Variants in RPS6KA5 observed in about 807,000 individuals in gnomAD.
RPS6KA5 encodes ribosomal protein S6 kinase alpha-5.
A neutral mutation model predicts 85.5 loss-of-function variants in RPS6KA5; 27 were observed. That is an observed-to-expected ratio of 0.32 (90% CI 0.23 to 0.44). The LOEUF (loss-of-function observed/expected upper bound fraction) is 0.44, where lower values mean the gene tolerates loss of function less well. RPS6KA5 is among the 20% of genes least tolerant of loss of function. RPS6KA5 has a pLI of 1.00. For synonymous variants in RPS6KA5, 334 were observed against 348.2 expected, an observed-to-expected ratio of 0.96 and a Z score of 0.46; for missense variants, 811 against 980.9, an observed-to-expected ratio of 0.83 and a Z score of 2.31.
intron 1 of RPS6KA5, among the ~76,000 whole-genome samples, chr14:91,050,322 G>A (rs770954796): frequency 8.6e-5 from 13 of 152,016 alleles, no homozygotes; most frequent in Admixed American, 2.0e-4. Flanking sequence ...TTGAAGCTGC[G>A]GTGAACTATT....
At chr14:91,001,868 G>C (rs1291801545) in intron 1 of RPS6KA5, among the ~76,000 whole-genome samples, 1 of 152,150 alleles carries the variant, frequency 6.6e-6, no homozygotes, top group Non-Finnish European at 1.5e-5. Flanking sequence ...CTGTTAGGGG[G>C]AGATGTGGGG....
At chr14:91,033,097 G>T (rs2042254192) in intron 1 of RPS6KA5, among the ~76,000 whole-genome samples, 1 of 151,420 alleles carries the variant, frequency 6.6e-6, no homozygotes, top group African/African-American at 2.4e-5. Context: ...TGAGGCAGGA[G>T]AATGGCATGA....
intron 16 of RPS6KA5, 68 bp downstream of exon 16, chr14:90,873,564 C>T (rs2033258584): frequency 3.0e-6 from 4 of 1,352,324 alleles, no homozygotes; most frequent in Non-Finnish European, 4.1e-6. Context: ...TCTGAGGCTA[C>T]AGAGTAAGAA....
intron 1 of RPS6KA5, among the ~76,000 whole-genome samples, chr14:91,020,652 T>C (rs867925200): frequency 1.6e-5 from 1 of 63,542 alleles, no homozygotes; most frequent in African/African-American, 5.1e-5. Context: ...GTGTGTGTGT[T>C]TATATGTGTA....
chr14:91,024,166 T>C (rs746839351), intron 1 of RPS6KA5, among the ~76,000 whole-genome samples: 9 of 152,192 alleles, frequency 5.9e-5, no homozygotes, highest in Non-Finnish European at 1.2e-4. Flanking sequence ...CTTGGAGAAC[T>C]TGTAAATATA....
chr14:91,050,274 G>C (rs561204202), intron 1 of RPS6KA5, among the ~76,000 whole-genome samples: 1 of 152,280 alleles, frequency 6.6e-6, no homozygotes, highest in African/African-American at 2.4e-5. Context: ...CTAGCTACTT[G>C]GGAGGCTGAG....
intron 13 of RPS6KA5, chr14:90,894,172 G>T: frequency 8.7e-7 from 1 of 1,145,858 alleles, no homozygotes; most frequent in Non-Finnish European, 1.1e-6. Flanking sequence ...TCCATAAAAG[G>T]TTCTCACACT....
chr14:90,907,423 G>A (rs74393377), intron 7 of RPS6KA5, among the ~76,000 whole-genome samples: 123 of 152,208 alleles, frequency 8.1e-4, no homozygotes, highest in African/African-American at 2.8e-3. Flanking sequence ...CCTAAAATAG[G>A]TATTATGATG....
intron 14 of RPS6KA5, among the ~76,000 whole-genome samples, chr14:90,884,741 T>A (rs2034076318): frequency 6.6e-6 from 1 of 152,226 alleles, no homozygotes; most frequent in Admixed American, 6.5e-5. Context: ...CATTGGGTTG[T>A]TTCCAGTGTG....
intron 6 of RPS6KA5, among the ~76,000 whole-genome samples, chr14:90,922,551 C>T (rs2036450929): frequency 1.3e-5 from 2 of 152,208 alleles, no homozygotes; most frequent in Admixed American, 1.3e-4. Context: ...CGGGTTCAAA[C>T]ATTCTCCTTC....
chr14:90,910,800 C>A (rs1367104021), intron 7 of RPS6KA5, among the ~76,000 whole-genome samples: 1 of 152,020 alleles, frequency 6.6e-6, no homozygotes, highest in East Asian at 1.9e-4. Flanking sequence ...ATCCTCCTGC[C>A]TCAGCCTCCT....
intron 5 of RPS6KA5, among the ~76,000 whole-genome samples, chr14:90,927,341 TAA>T (rs2036727889): frequency 6.6e-6 from 1 of 151,844 alleles, no homozygotes; most frequent in African/African-American, 2.4e-5. Context: ...CAAAGCAAGA[TAA>T]GAGAAATAAA....
At chr14:90,893,348 T>C (rs2034663044) in intron 13 of RPS6KA5, among the ~76,000 whole-genome samples, 1 of 152,198 alleles carries the variant, frequency 6.6e-6, no homozygotes, top group African/African-American at 2.4e-5. Flanking sequence ...TTTGATTAAT[T>C]ACTAGTACTG....
chr14:90,987,449 G>A (rs1259995870), intron 2 of RPS6KA5, among the ~76,000 whole-genome samples: 1 of 151,932 alleles, frequency 6.6e-6, no homozygotes, highest in African/African-American at 2.4e-5. Context: ...AAACAAGTAT[G>A]TCTCATTTAA....
intron 16 of RPS6KA5, among the ~76,000 whole-genome samples, chr14:90,872,922 A>C (rs958267827): frequency 6.6e-6 from 1 of 152,206 alleles, no homozygotes; most frequent in Non-Finnish European, 1.5e-5. Flanking sequence ...AACCTATGTC[A>C]CTGAGAAGAT....
intron 3 of RPS6KA5, among the ~76,000 whole-genome samples, chr14:90,948,348 A>C (rs1595300814): frequency 6.6e-6 from 1 of 152,268 alleles, no homozygotes; most frequent in Non-Finnish European, 1.5e-5. Flanking sequence ...AAAATCCTAT[A>C]GAATAAACTT....
At chr14:91,007,447 G>A (rs549774170) in intron 1 of RPS6KA5, among the ~76,000 whole-genome samples, 10 of 152,220 alleles carry the variant, frequency 6.6e-5, no homozygotes, top group Non-Finnish European at 1.0e-4. Flanking sequence ...TCTTTTCAAG[G>A]TCTACTTCAG....
At chr14:90,994,788 G>A (rs925887485) in intron 2 of RPS6KA5, among the ~76,000 whole-genome samples, 1 of 151,306 alleles carries the variant, frequency 6.6e-6, no homozygotes, top group African/African-American at 2.4e-5. Flanking sequence ...TAGCCAGGAT[G>A]GTCTCGATCT....
intron 3 of RPS6KA5, among the ~76,000 whole-genome samples, chr14:90,950,480 GA>G (rs1308941487): frequency 6.6e-6 from 1 of 152,166 alleles, no homozygotes; most frequent in African/African-American, 2.4e-5. Context: ...ATATTAGGGG[GA>G]AAGCATTCAG....
Sources: allele counts gnomAD v4.1 joint callset (sites outside exome capture counted in the v4.1 genomes callset), GRCh38; gene constraint gnomAD v4.1.1; transcripts MANE v1.5; gene names NCBI Gene and HGNC (gene_info 2026-07-23, HGNC 2026-07-21).